ANK1: variants seen among roughly 807,000 people sequenced by gnomAD.
ANK1 encodes the protein ankyrin 1, also known as ankyrin-1.
In ANK1, 51 loss-of-function variants were observed where a neutral mutation model predicts 210.4. The ratio of observed to expected loss-of-function variants is 0.24; its 90% CI spans 0.19 to 0.31. The LOEUF (loss-of-function observed/expected upper bound fraction) is 0.31, where lower values mean the gene tolerates loss of function less well. Among genes scored for constraint, ANK1 ranks in the 10% least tolerant of loss-of-function variants. The pLI is 1.00. For missense variants in ANK1, 2,051 were observed against 2,504.4 expected (o/e 0.82, Z 3.86); for synonymous variants, 967 against 1,025.9 (o/e 0.94, Z 1.10).
At chr8:41,669,269 T>C (rs1047378406) in intron 38 of ANK1, among the ~76,000 whole-genome samples, 7 of 152,054 alleles carry the variant, frequency 4.6e-5, no homozygotes, top group African/African-American at 1.4e-4. Flanking sequence ...TACAGCTGTG[T>C]GCACCCCGCT....
At position 41,699,537 on chromosome 8, in the gene ANK1, T is replaced by C. The variant is rs1314195800; in HGVS notation, c.2473A>G (p.Ile825Val). ...DVSEDEGEELISFKAERRDSR... is the reference protein window; with the variant it reads ...DVSEDEGEELVSFKAERRDSR... Reference sequence around the variant, plus strand: ...TCCCGCCTCTCAGCCTTGAAGCTGATGAGTTCTTCCCCTGAAACAGCAAGA... The same window carrying C: ...TCCCGCCTCTCAGCCTTGAAGCTGACGAGTTCTTCCCCTGAAACAGCAAGA... The change falls in exon 23 of 43, where the codon ATC (isoleucine) becomes GTC (valine). Residue 825 changes from isoleucine (I) to valine (V), a missense_variant. Ile to Val is a conservative substitution (Grantham distance 29). Coordinates refer to ENST00000289734, the MANE Select transcript of ANK1 (RefSeq NM_000037.4). The C allele has an allele frequency of 5.0e-6, 8 of 1,614,012 alleles. No homozygotes were observed. In the East Asian group the frequency reaches 1.6e-4, roughly 31 times the overall value.
At chr8:41,842,659 C>T (rs1457495862) in intron 1 of ANK1, among the ~76,000 whole-genome samples, 1 of 152,104 alleles carries the variant, frequency 6.6e-6, no homozygotes, top group Non-Finnish European at 1.5e-5. Flanking sequence ...ACAGGAAGCG[C>T]ATATTAGTGC....
At chr8:41,848,453 T>C (rs533570287) in intron 1 of ANK1, among the ~76,000 whole-genome samples, 4 of 152,296 alleles carry the variant, frequency 2.6e-5, no homozygotes, top group South Asian at 2.1e-4. Flanking sequence ...TGCAGCACCA[T>C]TGGTCCCTGC....
intron 21 of ANK1, 116 bp downstream of exon 21, chr8:41,701,936 C>T (rs1822933520): frequency 1.8e-6 from 2 of 1,126,916 alleles, no homozygotes; most frequent in Non-Finnish European, 2.6e-6. Context: ...GGGCGCGGCG[C>T]CTCCGACCCG....
At chr8:41,703,442 ATATATATAT>A (rs1262603122) in intron 20 of ANK1, among the ~76,000 whole-genome samples, 7 of 66,614 alleles carry the variant, frequency 1.1e-4, no homozygotes, top group Non-Finnish European at 1.4e-4. Context: ...ATATATATAT[ATATATATAT>A]TTTTTTTTTT....
chr8:41,895,909 C>CA (rs1189711573), intron 1 of ANK1, among the ~76,000 whole-genome samples: 1 of 152,180 alleles, frequency 6.6e-6, no homozygotes, highest in Non-Finnish European at 1.5e-5. Flanking sequence ...CTGCCCCCCC[C>CA]CGGCCCGCTC....
intron 1 of ANK1, among the ~76,000 whole-genome samples, chr8:41,758,728 C>A (rs769715523): frequency 6.6e-6 from 1 of 152,086 alleles, no homozygotes; most frequent in Non-Finnish European, 1.5e-5. Flanking sequence ...CTATGGCAAG[C>A]GCACAGCACA....
chr8:41,771,184 G>T (rs1385343885), intron 1 of ANK1, among the ~76,000 whole-genome samples: 1 of 152,156 alleles, frequency 6.6e-6, no homozygotes, highest in Non-Finnish European at 1.5e-5. Context: ...AGCTATAAGA[G>T]ATACGTGACT....
At chr8:41,709,012 G>A in intron 16 of ANK1, 37 bp from the exon 17 acceptor site, 1 of 1,611,706 alleles carries the variant, frequency 6.2e-7, no homozygotes, top group Non-Finnish European at 8.5e-7. Flanking sequence ...CTGGTTACAG[G>A]AATGCTGAGC....
intron 2 of ANK1, among the ~76,000 whole-genome samples, chr8:41,747,483 A>G (rs758785409): frequency 6.6e-6 from 1 of 152,042 alleles, no homozygotes; most frequent in Non-Finnish European, 1.5e-5. Flanking sequence ...CATCACACAG[A>G]ATTGCATTTA....
intron 1 of ANK1, among the ~76,000 whole-genome samples, chr8:41,892,604 A>G (rs769589690): frequency 2.0e-5 from 3 of 152,206 alleles, no homozygotes; most frequent in Non-Finnish European, 4.4e-5. Context: ...CCACTGCACC[A>G]AAAGATTAGA....
At chr8:41,734,516 A>T (rs1832950366) in intron 2 of ANK1, among the ~76,000 whole-genome samples, 1 of 152,192 alleles carries the variant, frequency 6.6e-6, no homozygotes, top group South Asian at 2.1e-4. Flanking sequence ...AAGATGTTAA[A>T]CTCTGAAGCA....
rs1173497907 is a variant in ANK1, at chr8:41,704,350, G to A, written c.2196+24C>T. ...GGCATGGAGAAGGGTCAGTGCAGGA[G>A]TCGGGGCTGGGGCACCCCTGTACCT... is the stretch of plus-strand genomic sequence containing the variant. On this transcript the variant is annotated intron_variant, in intron 19 of 42. Transcript: ENST00000289734. The surrounding 1 kb of genome is among the most constrained non-coding windows in gnomAD (Gnocchi z 4.1). 1.2e-6 allele frequency: 2 copies of A among 1,604,172 alleles called. No individual in the cohort carries two copies. The highest frequency in any genetic ancestry group is 2.7e-5 in the African/African-American group (2 of 74,678).
chr8:41,734,227 G>A (rs1359078895), intron 2 of ANK1, among the ~76,000 whole-genome samples, 158 bp from the exon 3 acceptor site: 1 of 152,212 alleles, frequency 6.6e-6, no homozygotes, highest in East Asian at 1.9e-4. Flanking sequence ...ACAGGGCAGG[G>A]CCACCCAGCC....
At chr8:41,793,806 C>G (rs980791421) in intron 1 of ANK1, among the ~76,000 whole-genome samples, 5 of 152,164 alleles carry the variant, frequency 3.3e-5, no homozygotes, top group African/African-American at 1.2e-4. Flanking sequence ...TATAGTGGCT[C>G]CCATCTCCTT....
At position 41,690,466 on chromosome 8, in the gene ANK1, G is replaced by C; in HGVS notation, c.3984+8C>G. On this transcript the variant is annotated splice_region_variant and intron_variant, in intron 32 of 42. Coordinates refer to ENST00000289734, the MANE Select transcript of ANK1 (RefSeq NM_000037.4). ...CCAGAGGAGAACTCAGCCAGAGGGT[G>C]CCGGCACCTTTACAGGCATGGCCAG... The C allele has an allele frequency of 6.2e-7, 1 of 1,614,216 alleles. No individual in the cohort carries two copies. Among genetic ancestry groups the C allele is most frequent in the Non-Finnish European group, 8.5e-7 (1 of 1,180,030 alleles).
At chr8:41,665,165 T>C in intron 39 of ANK1, 1 of 1,534,962 alleles carries the variant, frequency 6.5e-7, no homozygotes, top group Non-Finnish European at 8.7e-7. Flanking sequence ...GTTTGCTCTC[T>C]TGGTCTCTCA....
chr8:41,697,857 C>G, intron 24 of ANK1, 186 bp downstream of exon 24: 1 of 687,820 alleles, frequency 1.5e-6, no homozygotes, highest in South Asian at 1.6e-5. Flanking sequence ...TTCCAGACGC[C>G]GCCCACCCAG....
chr8:41,733,599 C>T (rs1014942404), intron 3 of ANK1, among the ~76,000 whole-genome samples: 1 of 152,178 alleles, frequency 6.6e-6, no homozygotes, highest in Non-Finnish European at 1.5e-5. Context: ...TCACAGTGGC[C>T]AAGTAACTCG....
Sources: allele counts gnomAD v4.1 joint callset (sites outside exome capture counted in the v4.1 genomes callset), GRCh38; gene constraint gnomAD v4.1.1; non-coding constraint Gnocchi (gnomAD v3.1); transcripts MANE v1.5; gene names NCBI Gene and HGNC (gene_info 2026-07-23, HGNC 2026-07-21).